The following BCAS3 variants were observed in gnomAD, a reference collection of about 807,000 sequenced individuals.
BCAS3 encodes the protein BCAS3 microtubule associated cell migration factor, also known as BCAS4/BCAS3 fusion.
BCAS3 carries 53 observed loss-of-function variants against 116.1 expected under a neutral mutation model. The observed-to-expected ratio is 0.46, with a 90% CI of 0.37 to 0.57. The LOEUF (loss-of-function observed/expected upper bound fraction) is 0.57, where lower values mean the gene tolerates loss of function less well. Ranked by LOEUF, BCAS3 falls within the 20% of genes least tolerant of loss-of-function variation. The pLI is 0.00. For missense variants in BCAS3, 917 were observed against 1,165.4 expected, an observed-to-expected ratio of 0.79 and a Z score of 3.10; for synonymous variants, 391 against 408.2, an observed-to-expected ratio of 0.96 and a Z score of 0.51.
In BCAS3 at chr17:61,118,266, G is replaced by A. The variant is rs1221805834; in HGVS notation, c.2425+33702G>A. On this transcript the variant is annotated intron_variant, in intron 22 of 23. Transcript: ENST00000407086. The surrounding 1 kb of genome is among the most constrained non-coding windows in gnomAD (Gnocchi z 5.0). ...ACCACCCAATCAGGTTACTACTTGG[G>A]AGAGATGGAAGTCCCGGCTCCCAAC... Among the ~76,000 whole-genome samples, 4 of 152,162 alleles carry A rather than the reference G, an allele frequency of 2.6e-5. No homozygotes were observed.
Position 61,136,001 on chromosome 17 carries a change from G to GT in BCAS3, c.2425+51440dup, listed in dbSNP as rs776768559. 1.4e-4 allele frequency: 23 copies of GT among 160,936 alleles called. No individual in the cohort carries two copies. The East Asian group carries it at 4.2e-3, about 30-fold the overall frequency. The allele number at this position is 160,936 out of a possible 1,614,324, so 10.0% of individuals were successfully genotyped here. A position where few individuals can be genotyped will look rare whatever the true frequency, so the allele number is the denominator to read the frequency against. On this transcript the variant is annotated intron_variant, in intron 22 of 23. Transcript: ENST00000407086. The surrounding 1 kb of genome is among the most constrained non-coding windows in gnomAD (Gnocchi z 4.4). ...CGCTGCTGCTGCTGCTGCTGCTCCT[G>GT]TTTCCGCTTCTGCCATGGCCACCGC...
intron 22 of BCAS3, among the ~76,000 whole-genome samples, chr17:61,287,109 G>A (rs149551414): frequency 0.052 from 7,972 of 152,056 alleles, 245 homozygotes; most frequent in African/African-American, 0.095. Flanking sequence ...TTAGCCGGGC[G>A]TGGTGGCGGG....
intron 6 of BCAS3, among the ~76,000 whole-genome samples, chr17:60,766,669 G>A (rs1321734760): frequency 6.6e-6 from 1 of 152,228 alleles, no homozygotes; most frequent in Non-Finnish European, 1.5e-5. Context: ...CACTTGAGGA[G>A]GCAGTCTGTC....
chr17:60,982,302 T>C (rs1488923457), intron 14 of BCAS3, among the ~76,000 whole-genome samples: 1 of 152,194 alleles, frequency 6.6e-6, no homozygotes, highest in Non-Finnish European at 1.5e-5. Flanking sequence ...CCATATTTTT[T>C]AAATTAATTA....
At chr17:61,275,543 C>T (rs1407091905) in intron 22 of BCAS3, among the ~76,000 whole-genome samples, 1 of 151,888 alleles carries the variant, frequency 6.6e-6, no homozygotes, top group Non-Finnish European at 1.5e-5. Flanking sequence ...ACCTTGTCGC[C>T]CAGGCTGGAG....
At chr17:61,221,392 T>C (rs1304907239) in intron 22 of BCAS3, among the ~76,000 whole-genome samples, 1 of 152,184 alleles carries the variant, frequency 6.6e-6, no homozygotes, top group Non-Finnish European at 1.5e-5. Context: ...CTTAAGGCCA[T>C]TTCACAGCTT....
intron 22 of BCAS3, among the ~76,000 whole-genome samples, chr17:61,193,757 CAAAAAAAAAA>C (rs59810014): frequency 1.3e-3 from 70 of 52,332 alleles, no homozygotes; most frequent in Middle Eastern, 0.019. Context: ...AACTCCATCT[CAAAAAAAAAA>C]AAAAAAAAAA....
At chr17:60,832,778 TC>T (rs1374445076) in intron 7 of BCAS3, among the ~76,000 whole-genome samples, 4 of 152,200 alleles carry the variant, frequency 2.6e-5, no homozygotes, top group African/African-American at 9.6e-5. Context: ...AATTGCTTAA[TC>T]CTGGAAAAAG....
At chr17:60,955,338 A>G (rs1323662294) in intron 14 of BCAS3, among the ~76,000 whole-genome samples, 1 of 151,678 alleles carries the variant, frequency 6.6e-6, no homozygotes, top group Non-Finnish European at 1.5e-5. Context: ...TTTTGGTTTC[A>G]CTGATTGTCC....
At chr17:60,902,974 A>C (rs1000567063) in intron 11 of BCAS3, among the ~76,000 whole-genome samples, 1 of 152,198 alleles carries the variant, frequency 6.6e-6, no homozygotes, top group Admixed American at 6.5e-5. Context: ...TGAACATTTC[A>C]GAGTCTTCTT....
Position 61,228,942 on chromosome 17 carries a change from A to G in BCAS3, c.2426-139385A>G, listed in dbSNP as rs2082514986. Among the ~76,000 whole-genome samples the G allele has an allele frequency of 6.6e-6, 1 of 152,154 alleles. No homozygotes were observed. Among genetic ancestry groups the G allele is most frequent in the South Asian group, 2.1e-4 (1 of 4,826 alleles). On this transcript the variant is annotated intron_variant, in intron 22 of 23. Transcript: ENST00000407086. The surrounding 1 kb of genome is among the most constrained non-coding windows in gnomAD (Gnocchi z 5.0). ...ACAGGCTGAAAGCTAGTCCTCTTGC[A>G]GCAGTTAGCCGAGTTGTTAATGTAA... is the stretch of plus-strand genomic sequence containing the variant.
Position 61,038,027 on chromosome 17 carries a change from C to T in BCAS3, c.1901C>T (p.Ser634Leu), listed in dbSNP as rs777316473. The part of the protein sequence containing the change: ...SDDTPLEMMT[S>L]PRASWTLVRT... ...GACACACCACTGGAAATGATGACAT[C>T]GCCTCGAGCCAGCTGGACTCTGGTT... The change falls in exon 18 of 24, where the codon TCG (serine) becomes TTG (leucine). Residue 634 changes from serine (S) to leucine (L), a missense_variant. This residue lies in a region of BCAS3 where 807 missense variants were observed against 1,026.0 expected (regional missense o/e 0.79). Coordinates refer to ENST00000407086, the MANE Select transcript of BCAS3 (RefSeq NM_017679.5). 47 of 1,613,918 alleles carry T rather than the reference C, an allele frequency of 2.9e-5. No individual in the cohort carries two copies. The highest frequency in any genetic ancestry group is 4.0e-5 in the African/African-American group (3 of 74,924).
intron 15 of BCAS3, among the ~76,000 whole-genome samples, chr17:61,006,674 A>G (rs1449106660): frequency 6.6e-6 from 1 of 152,048 alleles, no homozygotes; most frequent in Non-Finnish European, 1.5e-5. Context: ...GGGATTTTTC[A>G]TTAGGCTAAA....
intron 15 of BCAS3, among the ~76,000 whole-genome samples, chr17:61,001,399 G>C (rs1343265659): frequency 6.6e-6 from 1 of 152,116 alleles, no homozygotes; most frequent in Non-Finnish European, 1.5e-5. Context: ...TCTTGATACA[G>C]ACCACATCAC....
intron 12 of BCAS3, among the ~76,000 whole-genome samples, chr17:60,915,151 AG>A (rs1233931695): frequency 1.3e-5 from 2 of 152,154 alleles, no homozygotes; most frequent in Non-Finnish European, 2.9e-5. Context: ...ACTCACAGTG[AG>A]TTGCACATGC....
chr17:61,345,053 G>A (rs752007509), intron 22 of BCAS3, among the ~76,000 whole-genome samples: 1 of 152,192 alleles, frequency 6.6e-6, no homozygotes, highest in Non-Finnish European at 1.5e-5. Context: ...CTCGCCTGCT[G>A]TCATCATCTT....
intron 7 of BCAS3, among the ~76,000 whole-genome samples, chr17:60,856,830 T>G (rs1014031554): frequency 2.0e-5 from 3 of 152,254 alleles, no homozygotes; most frequent in Non-Finnish European, 4.4e-5. Context: ...TCATAATTAC[T>G]TAATTTAACC....
chr17:61,006,831 G>T (rs932416513), intron 15 of BCAS3, among the ~76,000 whole-genome samples: 1 of 151,920 alleles, frequency 6.6e-6, no homozygotes, highest in Non-Finnish European at 1.5e-5. Context: ...TTATTTATAC[G>T]TATGAAGAAT....
At chr17:60,718,176 G>GCCTGCTGTGAGGCCTCACCT (rs1174635377) in intron 5 of BCAS3, among the ~76,000 whole-genome samples, 9 of 152,294 alleles carry the variant, frequency 5.9e-5, no homozygotes, top group East Asian at 5.8e-4. Flanking sequence ...CTGCTGTGAG[G>GCCTGCTGTGAGGCCTCACCT]CCTGGTTTGT....
Sources: gnomAD v4.1 joint callset for allele counts (sites outside exome capture counted in the v4.1 genomes callset) on GRCh38, gnomAD v4.1.1 for gene constraint, gnomAD v4.1.1 regional missense constraint, Gnocchi (gnomAD v3.1) non-coding constraint, MANE v1.5 for transcripts, NCBI Gene and HGNC (gene_info 2026-07-23, HGNC 2026-07-21) for gene names.